The following MTF2 variants were observed in gnomAD, a reference collection of about 807,000 sequenced individuals.
MTF2 encodes the protein metal response element binding transcription factor 2.
Under a neutral mutation model 79.5 loss-of-function variants are expected in MTF2, and 11 were observed. The observed-to-expected ratio is 0.14, with a 90% confidence interval of 0.09 to 0.23. MTF2 has a LOEUF of 0.23. Among genes scored for constraint, MTF2 ranks in the 10% least tolerant of loss-of-function variants. The pLI is 1.00. For missense variants in MTF2, 486 were observed against 711.2 expected (o/e 0.68, Z 3.60); for synonymous variants, 208 against 232.8 (o/e 0.89, Z 0.97).
In MTF2 at chr1:93,134,099, A is replaced by C; in HGVS notation, c.1328A>C (p.Glu443Ala). The C allele has an allele frequency of 6.2e-7, 1 of 1,609,776 alleles. No individual in the cohort carries two copies. Among genetic ancestry groups the C allele is most frequent in the Non-Finnish European group, 8.5e-7 (1 of 1,178,238 alleles). The change falls in exon 14 of 15, where the codon GAG (glutamate) becomes GCG (alanine). Residue 443 changes from glutamate (E) to alanine (A), a missense_variant. Glu to Ala is a moderately radical substitution (Grantham distance 107, BLOSUM62 -1). Around this residue, in one of 4 missense-constraint regions of MTF2, gnomAD observed 209 missense variants for 206.5 expected, o/e 1.01. Coordinates refer to ENST00000370298, the MANE Select transcript of MTF2 (RefSeq NM_007358.4). ...LDLPCSIGRT[E>A]GTAHSSNTSD... ...AAATTCTTTTGTCTCAGGAGAACTG[A>C]GGGAACTGCACATTCATCCAATACC...
intron 14 of MTF2, among the ~76,000 whole-genome samples, chr1:93,135,638 G>C (rs1316392506): frequency 6.6e-6 from 1 of 152,142 alleles, no homozygotes; most frequent in Non-Finnish European, 1.5e-5. Context: ...TTTGAGATGA[G>C]ACCCCATCCC....
intron 9 of MTF2, chr1:93,121,180 C>T: frequency 1.0e-6 from 1 of 984,060 alleles, no homozygotes; most frequent in Non-Finnish European, 1.2e-6. Flanking sequence ...CTCATTCTGA[C>T]ATCTCATTTT....
Position 93,110,334 on chromosome 1 carries a change from A to T in MTF2, c.110A>T (p.His37Leu), listed in dbSNP as rs1054951816. 5 of 1,614,232 alleles carry T rather than the reference A, an allele frequency of 3.1e-6. No individual in the cohort carries two copies. The highest frequency in any genetic ancestry group is 3.4e-6 in the Non-Finnish European group (4 of 1,180,036). ...SLTKLSLQDGHKAKKPACKFE... is the reference protein window; with the variant it reads ...SLTKLSLQDGLKAKKPACKFE... ...ACCAAGCTGTCTTTACAGGATGGAC[A>T]TAAAGCCAAAAAGCCAGCATGTAAA... The change falls in exon 2 of 15, where the codon CAT (histidine) becomes CTT (leucine). Residue 37 changes from histidine (H) to leucine (L), a missense_variant. This residue lies in a region of MTF2 where 75 missense variants were observed against 83.8 expected (regional missense o/e 0.89). Transcript: ENST00000370298.
At chr1:93,113,899 A>T (rs1656141347) in intron 3 of MTF2, among the ~76,000 whole-genome samples, 1 of 152,186 alleles carries the variant, frequency 6.6e-6, no homozygotes, top group Non-Finnish European at 1.5e-5. Context: ...TGTTATGTAT[A>T]TAAAGGCTGT....
intron 1 of MTF2, among the ~76,000 whole-genome samples, chr1:93,107,124 C>T (rs762820849): frequency 9.2e-5 from 14 of 152,136 alleles, no homozygotes; most frequent in Non-Finnish European, 1.6e-4. Context: ...ATCAAGGCAG[C>T]GGCATCAAAC....
intron 9 of MTF2, among the ~76,000 whole-genome samples, chr1:93,122,496 T>A (rs562379352): frequency 6.6e-6 from 1 of 152,276 alleles, no homozygotes; most frequent in South Asian, 2.1e-4. Flanking sequence ...AGAGTTCAGT[T>A]TATGAATTTT....
chr1:93,110,236 T>C lies in MTF2; in HGVS notation c.12T>C (p.Ser4=), dbSNP rs775682782. 8 of 1,614,086 alleles carry C rather than the reference T, an allele frequency of 5.0e-6. No homozygotes were observed. Among genetic ancestry groups the C allele is most frequent in the Non-Finnish European group, 6.8e-6 (8 of 1,179,948 alleles). MRD[S]TGAGNSLVHK... ...TCTTTTATTCTCTAAACAGAGACTC[T>C]ACAGGGGCAGGTAATTCACTGGTCC... Residue 4 remains serine (S), a synonymous_variant, in exon 2 of 15, where the codon TCT becomes TCC. Transcript: ENST00000370298.
chr1:93,137,136 A>C lies in MTF2; in HGVS notation c.*109A>C. ...TCTTTCTTAAAAAAAAAAAAAAGTC[A>C]AAAAAATTCAAAAAAGGGGATGATA... On this transcript the variant is annotated 3_prime_UTR_variant, in exon 15 of 15. Transcript: ENST00000370298. 1.1e-6 allele frequency: 1 copy of C among 889,156 alleles called. No homozygotes were observed. The highest frequency in any genetic ancestry group is 1.7e-6 in the Non-Finnish European group (1 of 598,594). The allele number at this position is 889,156 out of a possible 1,614,324, so 55.1% of individuals were successfully genotyped here.
rs147067401 is a variant in MTF2, at chr1:93,115,040, A to G, written c.435A>G (p.Ser145=). 4.0e-4 allele frequency: 646 copies of G among 1,611,834 alleles called. 1 individual carries two copies. In the African/African-American group the frequency reaches 6.9e-3, roughly 17 times the overall value. The change falls in exon 5 of 15, where the codon TCA becomes TCG. Residue 145 remains serine (S), a synonymous_variant. Coordinates refer to ENST00000370298, the MANE Select transcript of MTF2 (RefSeq NM_007358.4). ...ATATTGATTCCAGTGTGATTGATTCAGATGAAAAATGGCTCTGTCGGCAGT... is the reference window on the plus strand; with the variant it reads ...ATATTGATTCCAGTGTGATTGATTCGGATGAAAAATGGCTCTGTCGGCAGT... ...TPHIDSSVID[S]DEKWLCRQCV...
chr1:93,110,217 A>C lies in MTF2; in HGVS notation c.6-13A>C. ...AAGTAAGTCTTATGTATGGTCTTTT[A>C]TTCTCTAAACAGAGACTCTACAGGG... On this transcript the variant is annotated splice_polypyrimidine_tract_variant and intron_variant, in intron 1 of 14. Coordinates refer to ENST00000370298, the MANE Select transcript of MTF2 (RefSeq NM_007358.4). The C allele has an allele frequency of 6.2e-7, 1 of 1,611,632 alleles. No individual in the cohort carries two copies. The highest frequency in any genetic ancestry group is 8.5e-7 in the Non-Finnish European group (1 of 1,177,846).
At chr1:93,100,471 A>T (rs969190766) in intron 1 of MTF2, among the ~76,000 whole-genome samples, 1 of 151,886 alleles carries the variant, frequency 6.6e-6, no homozygotes, top group Non-Finnish European at 1.5e-5. Context: ...TGCCTGGCTA[A>T]TTTTTTAGTA....
chr1:93,129,252 T>C (rs751372488), intron 10 of MTF2, 26 bp from the exon 11 acceptor site: 1 of 1,492,614 alleles, frequency 6.7e-7, no homozygotes, highest in Non-Finnish European at 9.0e-7. Context: ...TTTTTAAAAT[T>C]TTAGTTAATT....
chr1:93,096,599 A>G (rs1371440681), intron 1 of MTF2, among the ~76,000 whole-genome samples: 3 of 151,018 alleles, frequency 2.0e-5, no homozygotes, highest in Non-Finnish European at 4.4e-5. Flanking sequence ...TCTTCCTTCA[A>G]CATGAGATAG....
At chr1:93,106,918 C>G (rs1655818174) in intron 1 of MTF2, among the ~76,000 whole-genome samples, 1 of 152,218 alleles carries the variant, frequency 6.6e-6, no homozygotes, top group Non-Finnish European at 1.5e-5. Context: ...GATTCTTACC[C>G]TCTCCTTGAG....
At chr1:93,121,426 G>A in intron 9 of MTF2, 1 of 899,346 alleles carries the variant, frequency 1.1e-6, no homozygotes, top group African/African-American at 1.8e-5. Flanking sequence ...TTTATAATAT[G>A]GAATTTGATA....
chr1:93,080,285 AT>A (rs1654550073), intron 1 of MTF2, among the ~76,000 whole-genome samples: 1 of 152,188 alleles, frequency 6.6e-6, no homozygotes, highest in Admixed American at 6.5e-5. Flanking sequence ...GGCTCAAGGA[AT>A]TTTAACCAAT....
chr1:93,106,231 A>G (rs368955802), intron 1 of MTF2, among the ~76,000 whole-genome samples: 40 of 152,346 alleles, frequency 2.6e-4, no homozygotes, highest in African/African-American at 9.4e-4. Context: ...AGGATGTGCT[A>G]TGCAGCAGGA....
At chr1:93,111,830 A>G (rs1023283606) in intron 3 of MTF2, among the ~76,000 whole-genome samples, 8 of 152,092 alleles carry the variant, frequency 5.3e-5, no homozygotes, top group Admixed American at 1.3e-4. Context: ...TTTTTTCCTT[A>G]TTTTGTAAAC....
chr1:93,095,514 T>G (rs1381243595), intron 1 of MTF2, among the ~76,000 whole-genome samples: 1 of 152,066 alleles, frequency 6.6e-6, no homozygotes, highest in Non-Finnish European at 1.5e-5. Flanking sequence ...CTGATTTTTG[T>G]ATTTTTAGTA....
Sources: gnomAD v4.1 joint callset for allele counts (sites outside exome capture counted in the v4.1 genomes callset) on GRCh38, gnomAD v4.1.1 for gene constraint, gnomAD v4.1.1 regional missense constraint, MANE v1.5 for transcripts, NCBI Gene and HGNC (gene_info 2026-07-23, HGNC 2026-07-21) for gene names.